Variants in COL26A1 observed in about 807,000 individuals in gnomAD.
COL26A1 encodes the protein collagen type XXVI alpha 1 chain.
In COL26A1, 41 loss-of-function variants were observed where a neutral mutation model predicts 59.3. The observed-to-expected ratio is 0.69, with a 90% CI of 0.54 to 0.90. The LOEUF (loss-of-function observed/expected upper bound fraction) is 0.90. COL26A1 is among the 40% of genes least tolerant of loss of function. The probability of loss-of-function intolerance (pLI) is 0.00; values close to 1 mark genes in which losing one functional copy is unlikely to be tolerated. For missense variants in COL26A1, 612 were observed against 602.3 expected (o/e 1.02, Z -0.17); for synonymous variants, 266 against 256.0 (o/e 1.04, Z -0.37).
intron 1 of COL26A1, among the ~76,000 whole-genome samples, chr7:101,406,961 A>G (rs930790691): frequency 6.6e-6 from 1 of 152,028 alleles, no homozygotes; most frequent in Non-Finnish European, 1.5e-5. Context: ...GTAAAAAACA[A>G]ACAAGAAAAC....
chr7:101,370,323 A>G (rs769087136), intron 1 of COL26A1, among the ~76,000 whole-genome samples: 1 of 152,132 alleles, frequency 6.6e-6, no homozygotes, highest in Non-Finnish European at 1.5e-5. Flanking sequence ...TAGATATTTA[A>G]AAGTATAAAA....
rs1163765548 is a variant in COL26A1 at position 101,447,720 on chromosome 7, C to A, written c.318C>A (p.Ser106=). ...RTLIRPTYRV[S]YRTVTVLEWR... is the part of the protein sequence containing the mutation. The stretch of plus-strand genomic sequence containing the variant: ...TGATCAGACCCACCTACAGAGTGTC[C>A]TACCGCACGGTGACGGTGCTGGAGT... The change falls in exon 3 of 13, where the codon TCC becomes TCA. Residue 106 remains serine (S), a synonymous_variant. Transcript: ENST00000313669. 1.9e-6 allele frequency: 3 copies of A among 1,605,856 alleles called. No individual in the cohort carries two copies.
At chr7:101,426,702 G>A (rs1159836745) in intron 2 of COL26A1, among the ~76,000 whole-genome samples, 10 of 152,284 alleles carry the variant, frequency 6.6e-5, no homozygotes, top group Non-Finnish European at 1.5e-4. Flanking sequence ...TCTTGGAAGG[G>A]GATGTGAGGT....
intron 1 of COL26A1, among the ~76,000 whole-genome samples, chr7:101,418,376 G>T (rs1792428643): frequency 6.6e-6 from 1 of 152,014 alleles, no homozygotes; most frequent in South Asian, 2.1e-4. Flanking sequence ...CTTCAATGTG[G>T]GCCCATCTAC....
chr7:101,441,731 G>C (rs1390470188), intron 2 of COL26A1, among the ~76,000 whole-genome samples: 1 of 152,194 alleles, frequency 6.6e-6, no homozygotes, highest in Non-Finnish European at 1.5e-5. Context: ...AGGGCCAGAG[G>C]TGTCTGTGTG....
intron 1 of COL26A1, among the ~76,000 whole-genome samples, chr7:101,382,121 T>A (rs1296162848): frequency 6.6e-6 from 1 of 152,214 alleles, no homozygotes; most frequent in African/African-American, 2.4e-5. Context: ...TGATTATGGC[T>A]TACTGCAGTT....
intron 11 of COL26A1, among the ~76,000 whole-genome samples, chr7:101,554,811 G>A (rs1256661221): frequency 6.6e-6 from 1 of 152,016 alleles, no homozygotes; most frequent in African/African-American, 2.4e-5. Flanking sequence ...GGAACATGAG[G>A]CTCAGCCAGG....
intron 3 of COL26A1, among the ~76,000 whole-genome samples, chr7:101,467,643 A>G: frequency 6.9e-6 from 1 of 145,578 alleles, no homozygotes; most frequent in Non-Finnish European, 1.6e-5. Context: ...TGAGGCGGGC[A>G]GATCACGAGG....
At chr7:101,423,831 A>C (rs1792581956) in intron 2 of COL26A1, among the ~76,000 whole-genome samples, 1 of 152,164 alleles carries the variant, frequency 6.6e-6, no homozygotes, top group Non-Finnish European at 1.5e-5. Context: ...CCAAAACAGA[A>C]CATTCAGTCA....
intron 1 of COL26A1, among the ~76,000 whole-genome samples, chr7:101,398,606 C>A (rs778484687): frequency 6.6e-6 from 1 of 152,190 alleles, no homozygotes; most frequent in Non-Finnish European, 1.5e-5. Context: ...GTGTCAGCGG[C>A]TGCTTTTCGT....
At chr7:101,511,856 G>T (rs1254547820) in intron 3 of COL26A1, among the ~76,000 whole-genome samples, 1 of 152,258 alleles carries the variant, frequency 6.6e-6, no homozygotes, top group Non-Finnish European at 1.5e-5. Flanking sequence ...AGCTGGGCAT[G>T]GTGGTGCACA....
chr7:101,364,482 G>T (rs1217799021), intron 1 of COL26A1, among the ~76,000 whole-genome samples: 1 of 151,612 alleles, frequency 6.6e-6, no homozygotes, highest in Non-Finnish European at 1.5e-5. Context: ...TAAAACATTA[G>T]AGTAGTATCT....
rs138666603 is a variant in COL26A1 at position 101,512,514 on chromosome 7, A to G, written c.386-20568A>G. ...GTGCCTGCCTGTAGTCCAAGCTACT[A>G]GGGAGGCTGAGGCAGGAGGGTCGCC... On this transcript the variant is annotated intron_variant, in intron 3 of 12. Transcript: ENST00000313669. Among the ~76,000 whole-genome samples the G allele has an allele frequency of 1.4e-4, 22 of 152,248 alleles. No homozygotes were observed. In the East Asian group the frequency reaches 4.3e-3, roughly 30 times the overall value.
At chr7:101,430,175 T>C (rs140119171) in intron 2 of COL26A1, among the ~76,000 whole-genome samples, 275 of 152,346 alleles carry the variant, frequency 1.8e-3, no homozygotes, top group African/African-American at 6.4e-3. Context: ...ACAAATCTTA[T>C]ACTTATTTTG....
At chr7:101,365,684 G>A (rs12673743) in intron 1 of COL26A1, among the ~76,000 whole-genome samples, 87,913 of 151,314 alleles carry the variant, frequency 0.58, 27,127 homozygotes, top group African/African-American at 0.81. Context: ...TCAGCCTCCC[G>A]AAGTGCTGGG....
intron 3 of COL26A1, among the ~76,000 whole-genome samples, chr7:101,498,658 C>T (rs750340957): frequency 6.6e-6 from 1 of 152,204 alleles, no homozygotes; most frequent in African/African-American, 2.4e-5. Flanking sequence ...TCTGCACACT[C>T]TGGATTTATT....
chr7:101,386,779 C>G (rs1045281979), intron 1 of COL26A1, among the ~76,000 whole-genome samples: 1 of 152,264 alleles, frequency 6.6e-6, no homozygotes, highest in East Asian at 1.9e-4. Flanking sequence ...ACAGGGAGCA[C>G]GGTGGACCCA....
chr7:101,403,257 T>C (rs1031318512), intron 1 of COL26A1, among the ~76,000 whole-genome samples: 1 of 152,152 alleles, frequency 6.6e-6, no homozygotes, highest in Non-Finnish European at 1.5e-5. Context: ...GGACAGTTGC[T>C]GCAGTGGGAG....
chr7:101,495,140 C>T (rs575406365), intron 3 of COL26A1, among the ~76,000 whole-genome samples: 56 of 152,286 alleles, frequency 3.7e-4, no homozygotes, highest in Admixed American at 1.8e-3. Context: ...TCAGGGGGAT[C>T]GGTGCCCCCC....
Sources: gnomAD v4.1 joint callset for allele counts (sites outside exome capture counted in the v4.1 genomes callset) on GRCh38, gnomAD v4.1.1 for gene constraint, MANE v1.5 for transcripts, NCBI Gene and HGNC (gene_info 2026-07-23, HGNC 2026-07-21) for gene names.